The following CTDSP2 variants were observed in gnomAD, a reference collection of about 807,000 sequenced individuals.
CTDSP2 encodes carboxy-terminal domain RNA polymerase II polypeptide A small phosphatase 2.
A neutral mutation model predicts 31.6 loss-of-function variants in CTDSP2; 9 were observed. The observed-to-expected ratio is 0.28, with a 90% CI of 0.17 to 0.50. The LOEUF is 0.50. Ranked by LOEUF, CTDSP2 falls within the 20% of genes least tolerant of loss-of-function variation. The pLI, the probability that CTDSP2 is intolerant of heterozygous loss-of-function variation, is 0.98. For synonymous variants in CTDSP2, 134 were observed against 134.5 expected (o/e 1.00, Z 0.03); for missense variants, 267 against 348.5 (o/e 0.77, Z 1.86).
At chr12:57,843,990 G>T (rs1010520936) in intron 1 of CTDSP2, among the ~76,000 whole-genome samples, 1 of 151,962 alleles carries the variant, frequency 6.6e-6, no homozygotes, top group African/African-American at 2.4e-5. Flanking sequence ...CTCAGGAGTC[G>T]AGACCAGCCT....
At position 57,822,350 on chromosome 12, in the gene CTDSP2, C is replaced by A. The variant is rs1956151886; in HGVS notation, c.*1252G>T. ...TGCAGGTCTGAGGGGCTCACTCACT[C>A]CTGTTACCAGAGGCAGAAAGCATGC... On this transcript the variant is annotated 3_prime_UTR_variant, in exon 8 of 8. Transcript: ENST00000398073. 1 of 152,264 alleles carries A rather than the reference C, an allele frequency of 6.6e-6. No individual in the cohort carries two copies. Among genetic ancestry groups the A allele is most frequent in the Non-Finnish European group, 1.5e-5 (1 of 68,058 alleles). 9.4% of individuals were successfully genotyped at this position (152,264 alleles called of 1,614,324 possible).
At chr12:57,839,851 T>C (rs949374675) in intron 1 of CTDSP2, among the ~76,000 whole-genome samples, 1 of 152,056 alleles carries the variant, frequency 6.6e-6, no homozygotes, top group Non-Finnish European at 1.5e-5. Flanking sequence ...ATTCCTCTTA[T>C]TGGAAAGGAA....
At chr12:57,826,975 G>A (rs1956186462) in intron 4 of CTDSP2, 21 bp downstream of exon 4, 6 of 1,560,358 alleles carry the variant, frequency 3.8e-6, no homozygotes, top group Non-Finnish European at 3.5e-6. Flanking sequence ...AAGGTAGGAA[G>A]GGTTCCAGAC....
chr12:57,843,972 C>T (rs1041290655), intron 1 of CTDSP2, among the ~76,000 whole-genome samples: 3 of 151,962 alleles, frequency 2.0e-5, no homozygotes, highest in Admixed American at 2.0e-4. Context: ...CCGAAGGGGG[C>T]TGATCACCTC....
intron 5 of CTDSP2, among the ~76,000 whole-genome samples, chr12:57,826,010 T>C (rs1956180480): frequency 6.6e-6 from 1 of 152,166 alleles, no homozygotes. Context: ...AGAAATGTAA[T>C]AAATCATTTA....
At chr12:57,826,922 G>T in intron 4 of CTDSP2, 74 bp downstream of exon 4, 1 of 1,177,482 alleles carries the variant, frequency 8.5e-7, no homozygotes, top group Non-Finnish European at 1.2e-6. Context: ...CCTTTAGGCT[G>T]CCTTACACAT....
At chr12:57,829,695 C>T in intron 1 of CTDSP2, 99 bp from the exon 2 acceptor site, 1 of 1,048,450 alleles carries the variant, frequency 9.5e-7, no homozygotes, top group Non-Finnish European at 1.5e-6. Context: ...GTAAACTCTA[C>T]TAGGGCACAC....
At chr12:57,829,682 T>G in intron 1 of CTDSP2, 86 bp from the exon 2 acceptor site, 1 of 1,260,770 alleles carries the variant, frequency 7.9e-7, no homozygotes, top group South Asian at 1.2e-5. Flanking sequence ...GCTCTTCTAG[T>G]TTGTAAACTC....
intron 1 of CTDSP2, among the ~76,000 whole-genome samples, chr12:57,832,936 A>G (rs1352307556): frequency 6.6e-6 from 1 of 152,048 alleles, no homozygotes; most frequent in Non-Finnish European, 1.5e-5. Context: ...CATGGCTCAC[A>G]TTAAATTCTA....
rs1430029464 is a variant in CTDSP2, at chr12:57,822,268, A to C, written c.*1334T>G. 1 of 152,350 alleles carries C rather than the reference A, an allele frequency of 6.6e-6. No individual in the cohort carries two copies. Among genetic ancestry groups the C allele is most frequent in the Non-Finnish European group, 1.5e-5 (1 of 68,030 alleles). The allele number at this position is 152,350 out of a possible 1,614,324, so 9.4% of individuals were successfully genotyped here. ...CTGGGAAAACTTCCATTTCGTGATGACTTTAATTTTAAAGCATTCACTATT... is the reference window on the plus strand; with the variant it reads ...CTGGGAAAACTTCCATTTCGTGATGCCTTTAATTTTAAAGCATTCACTATT... On this transcript the variant is annotated 3_prime_UTR_variant, in exon 8 of 8. Transcript: ENST00000398073.
In CTDSP2 at chr12:57,821,463, G is replaced by A. The variant is rs551524083; in HGVS notation, c.*2139C>T. ...GGAGATCCAAGGGAGGGCGGAAAGG[G>A]TCCTTGCAACTCAGTCAGCTTAGAG... is the stretch of plus-strand genomic sequence containing the variant. On this transcript the variant is annotated 3_prime_UTR_variant, in exon 8 of 8. Transcript: ENST00000398073. 1.6e-4 allele frequency: 24 copies of A among 152,784 alleles called. No individual in the cohort carries two copies. The highest frequency in any genetic ancestry group is 5.3e-4 in the African/African-American group (22 of 41,574). 9.5% of individuals were successfully genotyped at this position (152,784 alleles called of 1,614,324 possible).
In CTDSP2 at chr12:57,846,343, G is replaced by A. The variant is rs750800216; in HGVS notation, c.64+29C>T. On this transcript the variant is annotated intron_variant, in intron 1 of 7. Transcript: ENST00000398073. ...AGCCCCCTCCGCGCCCGGGGGCGAC[G>A]CAAAGTTTTGGGAAGTTGCTGCCCC... 3.0e-5 allele frequency: 47 copies of A among 1,589,488 alleles called. No homozygotes were observed. The East Asian group carries it at 9.9e-4, about 33-fold the overall frequency.
In CTDSP2 at chr12:57,846,534, C is replaced by G; in HGVS notation, c.-99G>C. On this transcript the variant is annotated 5_prime_UTR_variant, in exon 1 of 8. Coordinates refer to ENST00000398073, the MANE Select transcript of CTDSP2 (RefSeq NM_005730.4). ...CCTGGGCGGGGGCCCGCTCCGGCTC[C>G]CGAGACTCCGACTTCCACAGCTGTT... 1 of 936,696 alleles carries G rather than the reference C, an allele frequency of 1.1e-6. No individual in the cohort carries two copies. The highest frequency in any genetic ancestry group is 2.0e-5 in the South Asian group (1 of 49,360). 58.0% of individuals were successfully genotyped at this position (936,696 alleles called of 1,614,324 possible).
chr12:57,843,078 G>C (rs1956292709), intron 1 of CTDSP2, among the ~76,000 whole-genome samples: 1 of 152,122 alleles, frequency 6.6e-6, no homozygotes. Flanking sequence ...TCGAGAGGAA[G>C]GGGCATCAGG....
intron 4 of CTDSP2, among the ~76,000 whole-genome samples, chr12:57,826,605 A>G (rs1956184501): frequency 6.6e-6 from 1 of 152,196 alleles, no homozygotes; most frequent in African/African-American, 2.4e-5. Context: ...CCACTCTGAC[A>G]AATTCTACCT....
chr12:57,837,124 C>T (rs1956252736), intron 1 of CTDSP2: 3 of 152,226 alleles, frequency 2.0e-5, no homozygotes, highest in Admixed American at 6.5e-5. Flanking sequence ...GGAGAGAAGT[C>T]CTCCCAGGTC....
At chr12:57,838,809 G>A (rs1203445350) in intron 1 of CTDSP2, among the ~76,000 whole-genome samples, 1 of 152,242 alleles carries the variant, frequency 6.6e-6, no homozygotes, top group Non-Finnish European at 1.5e-5. Context: ...CTATTTCTCA[G>A]TGTCAGAATT....
intron 4 of CTDSP2, among the ~76,000 whole-genome samples, chr12:57,826,698 C>T (rs1274982794): frequency 1.3e-5 from 2 of 152,210 alleles, no homozygotes; most frequent in South Asian, 2.1e-4. Context: ...TCTTTTAGGC[C>T]TGCCCTGTAC....
chr12:57,834,178 T>C (rs1295829315), intron 1 of CTDSP2, among the ~76,000 whole-genome samples: 6 of 152,104 alleles, frequency 3.9e-5, no homozygotes, highest in Admixed American at 1.3e-4. Context: ...TTTTTTTTTT[T>C]CTAAGACAAG....
Sources: allele counts gnomAD v4.1 joint callset (sites outside exome capture counted in the v4.1 genomes callset), GRCh38; gene constraint gnomAD v4.1.1; transcripts MANE v1.5; gene names NCBI Gene and HGNC (gene_info 2026-07-23, HGNC 2026-07-21).